Variants in ANKRD12 observed in about 807,000 individuals in gnomAD.
The protein encoded by ANKRD12 is ankyrin repeat domain 12.
A neutral mutation model predicts 183.4 loss-of-function variants in ANKRD12; 85 were observed. The ratio of observed to expected loss-of-function variants is 0.46; its 90% CI spans 0.39 to 0.56. The LOEUF (loss-of-function observed/expected upper bound fraction) is 0.56. Among genes scored for constraint, ANKRD12 ranks in the 20% least tolerant of loss-of-function variants. The pLI is 0.00. For synonymous variants in ANKRD12, 914 were observed against 800.2 expected (o/e 1.14, Z -2.40); for missense variants, 2,405 against 2,357.1 (o/e 1.02, Z -0.42).
rs571899717 is a variant in ANKRD12 at position 9,160,778 on chromosome 18, G to A, written c.-51-21604G>A. Among the ~76,000 whole-genome samples the A allele has an allele frequency of 2.0e-5, 3 of 152,306 alleles. No individual in the cohort carries two copies. The South Asian group carries it at 6.2e-4, about 32-fold the overall frequency. On this transcript the variant is annotated intron_variant, in intron 1 of 12. Coordinates refer to ENST00000262126, the MANE Select transcript of ANKRD12 (RefSeq NM_015208.5). Reference sequence around the variant, plus strand: ...GAGAGTAAATTGTAATGTTCTAGAAGCAGTTAATATGAATCAAGGAGCACC... The same window carrying A: ...GAGAGTAAATTGTAATGTTCTAGAAACAGTTAATATGAATCAAGGAGCACC...
chr18:9,184,120 G>A (rs2033884307), intron 2 of ANKRD12, among the ~76,000 whole-genome samples: 2 of 151,932 alleles, frequency 1.3e-5, no homozygotes. Flanking sequence ...ATATAACATC[G>A]ATTACATCTA....
intron 6 of ANKRD12, among the ~76,000 whole-genome samples, chr18:9,213,632 T>G (rs1420373184): frequency 6.6e-6 from 1 of 151,932 alleles, no homozygotes; most frequent in Non-Finnish European, 1.5e-5. Flanking sequence ...CTAAGTTTTA[T>G]AAATATGTGG....
At chr18:9,249,061 C>T (rs1329200680) in intron 8 of ANKRD12, among the ~76,000 whole-genome samples, 3 of 152,324 alleles carry the variant, frequency 2.0e-5, no homozygotes, top group East Asian at 3.9e-4. Flanking sequence ...TTCTAAAACT[C>T]ATTATAAATT....
chr18:9,149,472 A>G (rs779517607), intron 1 of ANKRD12, among the ~76,000 whole-genome samples: 1 of 152,234 alleles, frequency 6.6e-6, no homozygotes, highest in Non-Finnish European at 1.5e-5. Flanking sequence ...GAGATAAAGA[A>G]TAGTAGAATT....
Position 9,178,012 on chromosome 18 carries a change from A to G in ANKRD12, c.-51-4370A>G, listed in dbSNP as rs138857666. On this transcript the variant is annotated intron_variant, in intron 1 of 12. Transcript: ENST00000262126. ...GATATAAGTCCTTTAGAATTATATA[A>G]TCTGGATAGAAGTCCTTTATAAAGA... Among the ~76,000 whole-genome samples the G allele has an allele frequency of 1.4e-3, 216 of 152,362 alleles. 1 individual carries two copies. Among genetic ancestry groups the G allele is most frequent in the African/African-American group, 5.1e-3 (210 of 41,578 alleles).
At chr18:9,238,391 A>G (rs1036066396) in intron 8 of ANKRD12, among the ~76,000 whole-genome samples, 20 of 152,220 alleles carry the variant, frequency 1.3e-4, no homozygotes, top group African/African-American at 3.9e-4. Flanking sequence ...CTTAAGCTTC[A>G]AACTTACATA....
chr18:9,242,062 C>T (rs1410715918), intron 8 of ANKRD12, among the ~76,000 whole-genome samples: 1 of 151,948 alleles, frequency 6.6e-6, no homozygotes, highest in East Asian at 1.9e-4. Context: ...CACACACACA[C>T]ATATCAGAAA....
chr18:9,254,324 C>A lies in ANKRD12; in HGVS notation c.1057C>A (p.Pro353Thr). The A allele has an allele frequency of 7.4e-6, 12 of 1,612,752 alleles. No homozygotes were observed. Among genetic ancestry groups the A allele is most frequent in the Non-Finnish European group, 9.3e-6 (11 of 1,179,390 alleles). Residue 353 changes from proline (P) to threonine (T), a missense_variant, in exon 9 of 13, where the codon CCT (proline) becomes ACT (threonine). Pro to Thr is a conservative substitution (Grantham distance 38). Transcript: ENST00000262126. Reference protein sequence around the residue: ...ESKQILPSKTPLPSALDEYEF... With the variant: ...ESKQILPSKTTLPSALDEYEF... ...TAAACAGATACTTCCCAGTAAAACA[C>A]CTCTTCCATCTGCCCTTGATGAGTA...
intron 7 of ANKRD12, among the ~76,000 whole-genome samples, chr18:9,218,580 A>G (rs1371195609): frequency 2.0e-5 from 3 of 152,200 alleles, no homozygotes; most frequent in African/African-American, 4.8e-5. Context: ...CTAAATTATT[A>G]TAGAGAGGAT....
At chr18:9,161,419 A>T (rs1482502045) in intron 1 of ANKRD12, among the ~76,000 whole-genome samples, 3 of 151,728 alleles carry the variant, frequency 2.0e-5, no homozygotes, top group African/African-American at 7.3e-5. Flanking sequence ...TCTGTCACCC[A>T]GGCTGGAGTG....
At chr18:9,189,375 C>T (rs902333259) in intron 2 of ANKRD12, among the ~76,000 whole-genome samples, 1 of 152,148 alleles carries the variant, frequency 6.6e-6, no homozygotes, top group Non-Finnish European at 1.5e-5. Flanking sequence ...GGTGAAGCAC[C>T]AAGTGCTAAT....
chr18:9,268,100 A>G (rs1027783966), intron 10 of ANKRD12, among the ~76,000 whole-genome samples: 1 of 152,204 alleles, frequency 6.6e-6, no homozygotes, highest in Non-Finnish European at 1.5e-5. Context: ...GACCAATAAC[A>G]GGCTCTGAAA....
intron 1 of ANKRD12, chr18:9,138,004 C>T (rs1598364333): frequency 1.3e-5 from 2 of 152,218 alleles, no homozygotes; most frequent in Non-Finnish European, 2.9e-5. Flanking sequence ...ATTGTAATTT[C>T]CACTGGACAC....
At chr18:9,140,895 C>G (rs1326469890) in intron 1 of ANKRD12, among the ~76,000 whole-genome samples, 1 of 152,068 alleles carries the variant, frequency 6.6e-6, no homozygotes, top group South Asian at 2.1e-4. Context: ...TTAAGTGAAA[C>G]ATTTCAGGTA....
intron 5 of ANKRD12, among the ~76,000 whole-genome samples, chr18:9,210,782 G>A (rs78242970): frequency 0.01 from 1,465 of 141,436 alleles, 19 homozygotes; most frequent in African/African-American, 0.036. Context: ...ATTGAGGAAA[G>A]GATGGTATTG....
intron 11 of ANKRD12, among the ~76,000 whole-genome samples, chr18:9,276,122 T>C (rs190722587): frequency 6.6e-6 from 1 of 152,330 alleles, no homozygotes; most frequent in East Asian, 1.9e-4. Context: ...GAGAAATATC[T>C]TCAATAAAGT....
chr18:9,195,536 T>G lies in ANKRD12; in HGVS notation c.88-15T>G. 1.3e-6 allele frequency: 2 copies of G among 1,574,566 alleles called. No homozygotes were observed. The highest frequency in any genetic ancestry group is 1.7e-6 in the Non-Finnish European group (2 of 1,159,210). ...TAATATTGATATAACTTTACTCTAT[T>G]TGACTTTTTAATAGAGTAAAGACAA... On this transcript the variant is annotated splice_polypyrimidine_tract_variant and intron_variant, in intron 2 of 12. Coordinates refer to ENST00000262126, the MANE Select transcript of ANKRD12 (RefSeq NM_015208.5).
intron 10 of ANKRD12, among the ~76,000 whole-genome samples, chr18:9,268,446 G>T (rs980340236): frequency 2.0e-5 from 3 of 152,152 alleles, no homozygotes; most frequent in Non-Finnish European, 2.9e-5. Flanking sequence ...CTTCATCCCT[G>T]GGATGCAAGG....
At chr18:9,204,660 T>A in intron 4 of ANKRD12, 116 bp downstream of exon 4, 1 of 768,856 alleles carries the variant, frequency 1.3e-6, no homozygotes, top group Non-Finnish European at 2.0e-6. Context: ...TTTGGTTAAA[T>A]AAATGAACTA....
Sources: gnomAD v4.1 joint callset for allele counts (sites outside exome capture counted in the v4.1 genomes callset) on GRCh38, gnomAD v4.1.1 for gene constraint, MANE v1.5 for transcripts, NCBI Gene and HGNC (gene_info 2026-07-23, HGNC 2026-07-21) for gene names.